LSM6: variants seen among roughly 807,000 people sequenced by gnomAD.
The protein encoded by LSM6 is U6 snRNA-associated Sm-like protein LSm6.
In LSM6, 2 loss-of-function variants were observed where a neutral mutation model predicts 13.5. The observed-to-expected ratio is 0.15, with a 90% confidence interval of 0.06 to 0.47. The LOEUF is 0.47. Ranked by LOEUF, LSM6 falls within the 20% of genes least tolerant of loss-of-function variation. LSM6 has a pLI of 0.97. For synonymous variants in LSM6, 43 were observed against 34.9 expected, an observed-to-expected ratio of 1.23 and a Z score of -0.82; for missense variants, 58 against 96.4, an observed-to-expected ratio of 0.60 and a Z score of 1.67.
chr4:146,187,747 A>G (rs957690383), intron 3 of LSM6, among the ~76,000 whole-genome samples: 1 of 152,128 alleles, frequency 6.6e-6, no homozygotes, highest in Non-Finnish European at 1.5e-5. Context: ...GCTGTCTTTG[A>G]TTTGCATAAT....
Position 146,187,311 on chromosome 4 carries a change from C to T in LSM6, c.132C>T (p.Ala44=), listed in dbSNP as rs1259414939. The T allele has an allele frequency of 6.2e-7, 1 of 1,613,444 alleles. No individual in the cohort carries two copies. Among genetic ancestry groups the T allele is most frequent in the African/African-American group, 1.3e-5 (1 of 74,852 alleles). ...GCCTGGATGGCTACATGAATATAGCCCTGGAGCAGACAGAAGAATATGTAA... is the reference window on the plus strand; with the variant it reads ...GCCTGGATGGCTACATGAATATAGCTCTGGAGCAGACAGAAGAATATGTAA... ...LACLDGYMNI[A]LEQTEEYVNG... Residue 44 remains alanine (A), a synonymous_variant, in exon 3 of 4, where the codon GCC becomes GCT. Coordinates refer to ENST00000296581, the MANE Select transcript of LSM6 (RefSeq NM_007080.3).
In LSM6 at chr4:146,180,641, ATAAT is replaced by A. The variant is rs1367702792; in HGVS notation, c.-10-2267_-10-2264del. ...ACTCTATGAGCAGATGAAATTAGTA[ATAAT>A]TAAAGTAGTTAATATCTCCATGAAC... On this transcript the variant is annotated intron_variant, in intron 1 of 3. Transcript: ENST00000296581. Among the ~76,000 whole-genome samples the A allele has an allele frequency of 3.3e-5, 5 of 152,246 alleles. No individual in the cohort carries two copies. In the South Asian group the frequency reaches 8.3e-4, roughly 25 times the overall value.
Position 146,189,755 on chromosome 4 carries a change from T to C in LSM6, c.*99T>C. ...TGTGATACAATTTGTCCTCTTTTTA[T>C]AATAGTTGGTGATTTTTCACTGACA... On this transcript the variant is annotated 3_prime_UTR_variant, in exon 4 of 4. Transcript: ENST00000296581. The C allele has an allele frequency of 1.3e-6, 1 of 789,760 alleles. No individual in the cohort carries two copies. Among genetic ancestry groups the C allele is most frequent in the Non-Finnish European group, 2.1e-6 (1 of 476,210 alleles). 48.9% of individuals were successfully genotyped at this position (789,760 alleles called of 1,614,324 possible). A position where few individuals can be genotyped will look rare whatever the true frequency, so the allele number is the denominator to read the frequency against.
intron 1 of LSM6, among the ~76,000 whole-genome samples, chr4:146,178,480 C>G (rs1335647270): frequency 6.6e-6 from 1 of 152,208 alleles, no homozygotes; most frequent in African/African-American, 2.4e-5. Context: ...ATTTAGAGAG[C>G]TGTTCTTCTG....
In LSM6 at chr4:146,189,652, T is replaced by G; in HGVS notation, c.239T>G (p.Met80Arg). The G allele has an allele frequency of 6.2e-7, 1 of 1,601,956 alleles. No individual in the cohort carries two copies. The highest frequency in any genetic ancestry group is 8.5e-7 in the Non-Finnish European group (1 of 1,173,588). ...TACATCAGTACACAGAAGAGACGGA[T>G]GTGAAGACACCAAGAGAGCAACGCT... ...VLYISTQKRR[M>R] The change falls in exon 4 of 4, where the codon ATG (methionine) becomes AGG (arginine). Residue 80 changes from methionine to arginine, a missense_variant. Physicochemically the swap from Met to Arg is moderately conservative, Grantham distance 91. Transcript: ENST00000296581.
Position 146,183,030 on chromosome 4 carries a change from T to C in LSM6, c.94+15T>C. ...GGATTATCGAGGTAATATTTTCATG[T>C]TTCAACCTCACTGGTATAACTGAAT... On this transcript the variant is annotated intron_variant, in intron 2 of 3. Transcript: ENST00000296581. 2.0e-6 allele frequency: 3 copies of C among 1,521,416 alleles called. No individual in the cohort carries two copies. The highest frequency in any genetic ancestry group is 2.7e-6 in the Non-Finnish European group (3 of 1,095,474). 94.2% of individuals were successfully genotyped at this position (1,521,416 alleles called of 1,614,324 possible).
At chr4:146,187,511 T>A (rs1730374300) in intron 3 of LSM6, 124 bp downstream of exon 3, 2 of 585,016 alleles carry the variant, frequency 3.4e-6, no homozygotes, top group Middle Eastern at 2.7e-4. Context: ...TTTAAAATGC[T>A]TATATGTCAG....
chr4:146,188,829 AAAAT>A (rs1390536475), intron 3 of LSM6, among the ~76,000 whole-genome samples: 2 of 150,954 alleles, frequency 1.3e-5, no homozygotes, highest in Non-Finnish European at 3.0e-5. Flanking sequence ...ATAAAAATAA[AAAAT>A]AAACTCCTTA....
At chr4:146,184,604 T>C (rs751919036) in intron 2 of LSM6, among the ~76,000 whole-genome samples, 1 of 151,954 alleles carries the variant, frequency 6.6e-6, no homozygotes, top group Non-Finnish European at 1.5e-5. Flanking sequence ...GATGGGCCCA[T>C]AGGAAGTAAT....
intron 1 of LSM6, among the ~76,000 whole-genome samples, chr4:146,177,357 CAG>C (rs1179612185): frequency 6.6e-6 from 1 of 152,180 alleles, no homozygotes; most frequent in Non-Finnish European, 1.5e-5. Flanking sequence ...AGTGTACTAA[CAG>C]ATTTTAATCA....
At chr4:146,185,399 T>C (rs1029773180) in intron 2 of LSM6, among the ~76,000 whole-genome samples, 2 of 151,720 alleles carry the variant, frequency 1.3e-5, no homozygotes, top group Non-Finnish European at 2.9e-5. Flanking sequence ...ATGGCCTTTA[T>C]ACTATTAAAG....
Position 146,189,633 on chromosome 4 carries a change from A to G in LSM6, c.220A>G (p.Ser74Gly). 6.3e-7 allele frequency: 1 copy of G among 1,598,206 alleles called. No homozygotes were observed. Among genetic ancestry groups the G allele is most frequent in the Non-Finnish European group, 8.5e-7 (1 of 1,170,396 alleles). ...FIRGNNVLYI[S>G]TQKRRM ...TTTTTTCTTTTCAGTGTTGTACATC[A>G]GTACACAGAAGAGACGGATGTGAAG... The change falls in exon 4 of 4, where the codon AGT becomes GGT. Residue 74 changes from serine to glycine, a missense_variant. Transcript: ENST00000296581.
rs1306245032 is a variant in LSM6, at chr4:146,190,358, C to G, written c.*702C>G. On this transcript the variant is annotated 3_prime_UTR_variant, in exon 4 of 4. Coordinates refer to ENST00000296581, the MANE Select transcript of LSM6 (RefSeq NM_007080.3). ...TTAGACTTTTTAGGTTTCCCTGCTC[C>G]CTTTCAGGAGCATTGGCATCAACGT... The G allele has an allele frequency of 2.0e-5, 3 of 152,356 alleles. No homozygotes were observed. The highest frequency in any genetic ancestry group is 7.2e-5 in the African/African-American group (3 of 41,464). The allele number at this position is 152,356 out of a possible 1,614,324, so 9.4% of individuals were successfully genotyped here.
chr4:146,183,870 C>CTTTTTTTTTTTT (rs1206702736), intron 2 of LSM6, among the ~76,000 whole-genome samples: 4 of 117,494 alleles, frequency 3.4e-5, no homozygotes, highest in African/African-American at 6.6e-5. Context: ...GGGTAATTTT[C>CTTTTTTTTTTTT]TTTTTTTTTT....
chr4:146,189,480 C>G (rs1013875103), intron 3 of LSM6, 142 bp from the exon 4 acceptor site: 4 of 639,662 alleles, frequency 6.3e-6, no homozygotes, highest in Non-Finnish European at 1.1e-5. Context: ...TACAGTACTT[C>G]TAGAGTTAAT....
At chr4:146,183,694 A>C (rs1730280404) in intron 2 of LSM6, 2 of 152,136 alleles carry the variant, frequency 1.3e-5, no homozygotes. Context: ...GGGTTGCTAT[A>C]ACAGAATACC....
At chr4:146,180,083 C>T (rs1730200326) in intron 1 of LSM6, among the ~76,000 whole-genome samples, 1 of 152,244 alleles carries the variant, frequency 6.6e-6, no homozygotes, top group Admixed American at 6.5e-5. Flanking sequence ...TCTGACTTCT[C>T]TTCTTTCAGC....
chr4:146,180,324 G>A (rs1269865886), intron 1 of LSM6, among the ~76,000 whole-genome samples: 2 of 152,176 alleles, frequency 1.3e-5, no homozygotes, highest in Non-Finnish European at 2.9e-5. Flanking sequence ...AACCCTGTGC[G>A]CCTGAACTTG....
At chr4:146,185,142 A>G (rs899711414) in intron 2 of LSM6, among the ~76,000 whole-genome samples, 5 of 152,196 alleles carry the variant, frequency 3.3e-5, no homozygotes, top group African/African-American at 9.7e-5. Flanking sequence ...GAAGTTGACC[A>G]AACATCTCTT....
Sources: allele counts gnomAD v4.1 joint callset (sites outside exome capture counted in the v4.1 genomes callset), GRCh38; gene constraint gnomAD v4.1.1; transcripts MANE v1.5; gene names NCBI Gene and HGNC (gene_info 2026-07-23, HGNC 2026-07-21).